PPFIA2: variants seen among roughly 807,000 people sequenced by gnomAD.
The protein encoded by PPFIA2 is liprin-alpha-2.
Under a neutral mutation model 175.5 loss-of-function variants are expected in PPFIA2, and 46 were observed. The ratio of observed to expected loss-of-function variants is 0.26; its 90% CI spans 0.21 to 0.34. PPFIA2 has a LOEUF of 0.34. Ranked by LOEUF, PPFIA2 falls within the 10% of genes least tolerant of loss-of-function variation. PPFIA2 has a pLI of 1.00. For missense variants in PPFIA2, 1,179 were observed against 1,506.1 expected (o/e 0.78, Z 3.60); for synonymous variants, 568 against 511.4 (o/e 1.11, Z -1.49).
chr12:81,389,700 G>A (rs542342385), intron 8 of PPFIA2, among the ~76,000 whole-genome samples: 1 of 151,984 alleles, frequency 6.6e-6, no homozygotes, highest in Non-Finnish European at 1.5e-5. Flanking sequence ...CCAAACCATT[G>A]TTAACTTGAC....
intron 11 of PPFIA2, among the ~76,000 whole-genome samples, chr12:81,372,590 G>A (rs1258009937): frequency 6.7e-6 from 1 of 149,312 alleles, no homozygotes. Context: ...GTACAAGGCT[G>A]TTGAAACCAC....
chr12:81,733,339 A>G (rs912866535), intron 3 of PPFIA2, among the ~76,000 whole-genome samples: 1 of 151,664 alleles, frequency 6.6e-6, no homozygotes, highest in Non-Finnish European at 1.5e-5. Context: ...TTTTAAAAGT[A>G]CAATGGATGT....
intron 22 of PPFIA2, among the ~76,000 whole-genome samples, chr12:81,319,184 G>A (rs1566114218): frequency 6.6e-6 from 1 of 151,582 alleles, no homozygotes; most frequent in Non-Finnish European, 1.5e-5. Flanking sequence ...TTGAACTGCT[G>A]GCTCAAAACA....
chr12:81,678,035 C>G (rs971000054), intron 3 of PPFIA2, among the ~76,000 whole-genome samples: 3 of 151,770 alleles, frequency 2.0e-5, no homozygotes, highest in South Asian at 2.1e-4. Context: ...GAAAAAAACA[C>G]AACTCTCTGC....
Position 81,368,753 on chromosome 12 carries a change from T to C in PPFIA2, c.1454A>G (p.Lys485Arg). 1.2e-6 allele frequency: 2 copies of C among 1,609,668 alleles called. No individual in the cohort carries two copies. Among genetic ancestry groups the C allele is most frequent in the Non-Finnish European group, 1.7e-6 (2 of 1,177,540 alleles). The change falls in exon 13 of 33, where the codon AAG becomes AGG. Residue 485 changes from lysine to arginine, a missense_variant. This residue lies in a region of PPFIA2 where 66 missense variants were observed against 129.4 expected (regional missense o/e 0.51). Coordinates refer to ENST00000549396, the MANE Select transcript of PPFIA2 (RefSeq NM_003625.5). ...TTCTTCTAGAGCAGCCATTCTTTCC[T>C]TTAAGTGTAGTTGTAGGCGTTCATT... ...ESNERLQLHL[K>R]ERMAALEEKN...
At position 81,535,096 on chromosome 12, in the gene PPFIA2, T is replaced by C. The variant is rs193258535; in HGVS notation, c.304-77230A>G. ...TTATAGCAAAGATCTTCTTGGATTA[T>C]AATGGTATATACATATATATGTCTC... On this transcript the variant is annotated intron_variant, in intron 4 of 32. Transcript: ENST00000549396. Among the ~76,000 whole-genome samples the C allele has an allele frequency of 7.9e-4, 120 of 151,880 alleles. No homozygotes were observed. In the Middle Eastern group the frequency reaches 0.01, roughly 13 times the overall value.
chr12:81,458,072 C>A (rs889040676), intron 4 of PPFIA2, among the ~76,000 whole-genome samples: 1 of 152,144 alleles, frequency 6.6e-6, no homozygotes, highest in Non-Finnish European at 1.5e-5. Flanking sequence ...TTACAGTACA[C>A]TGCTTAGATG....
At chr12:81,548,744 T>C (rs986649539) in intron 4 of PPFIA2, among the ~76,000 whole-genome samples, 20 of 152,242 alleles carry the variant, frequency 1.3e-4, no homozygotes, top group African/African-American at 4.8e-4. Context: ...CCTTCAGAAT[T>C]TGACATATTT....
intron 7 of PPFIA2, among the ~76,000 whole-genome samples, chr12:81,410,643 T>C (rs975132415): frequency 6.6e-6 from 1 of 152,034 alleles, no homozygotes; most frequent in Non-Finnish European, 1.5e-5. Context: ...GATAATAACA[T>C]CTTATATTTT....
At chr12:81,474,987 G>T (rs2057296870) in intron 4 of PPFIA2, among the ~76,000 whole-genome samples, 1 of 152,054 alleles carries the variant, frequency 6.6e-6, no homozygotes, top group South Asian at 2.1e-4. Flanking sequence ...AAATAAAATG[G>T]TATTTTAAGA....
At chr12:81,709,330 C>A (rs2077591960) in intron 3 of PPFIA2, among the ~76,000 whole-genome samples, 1 of 152,044 alleles carries the variant, frequency 6.6e-6, no homozygotes, top group African/African-American at 2.4e-5. Flanking sequence ...GGAATTATTC[C>A]TTTCTTTTTG....
intron 7 of PPFIA2, among the ~76,000 whole-genome samples, chr12:81,410,690 G>A (rs2043778418): frequency 6.6e-6 from 1 of 151,878 alleles, no homozygotes; most frequent in Non-Finnish European, 1.5e-5. Flanking sequence ...TAATCCCACA[G>A]AGACTGTCAA....
intron 4 of PPFIA2, among the ~76,000 whole-genome samples, chr12:81,512,965 C>T (rs1434974438): frequency 1.3e-5 from 2 of 151,954 alleles, no homozygotes; most frequent in East Asian, 3.9e-4. Context: ...AAACAGACAA[C>T]CCACTGGGTA....
At chr12:81,504,667 T>C (rs1369292629) in intron 4 of PPFIA2, among the ~76,000 whole-genome samples, 1 of 152,132 alleles carries the variant, frequency 6.6e-6, no homozygotes, top group Non-Finnish European at 1.5e-5. Flanking sequence ...GAATTATAAA[T>C]CATTCTACTA....
At chr12:81,682,748 C>T (rs1396800545) in intron 3 of PPFIA2, among the ~76,000 whole-genome samples, 1 of 151,998 alleles carries the variant, frequency 6.6e-6, no homozygotes, top group Non-Finnish European at 1.5e-5. Context: ...CCCTCTCCCA[C>T]TACTTTCTGT....
chr12:81,498,813 C>T (rs771419520), intron 4 of PPFIA2, among the ~76,000 whole-genome samples: 52 of 152,040 alleles, frequency 3.4e-4, no homozygotes, highest in Non-Finnish European at 6.2e-4. Context: ...TTTGTAGAGA[C>T]GGGGTTTCAC....
At chr12:81,290,328 T>C (rs917209335) in intron 24 of PPFIA2, among the ~76,000 whole-genome samples, 38 of 151,902 alleles carry the variant, frequency 2.5e-4, no homozygotes, top group African/African-American at 8.9e-4. Context: ...TATGACTTTA[T>C]GTAGTGGATT....
chr12:81,730,927 G>A (rs2153639647), intron 3 of PPFIA2, among the ~76,000 whole-genome samples: 1 of 151,572 alleles, frequency 6.6e-6, no homozygotes, highest in Middle Eastern at 3.4e-3. Flanking sequence ...AAATTTCTGA[G>A]TTAGGTGCAT....
Position 81,259,663 on chromosome 12 carries a change from A to G in PPFIA2, c.*34-3T>C, listed in dbSNP as rs1489886591. On this transcript the variant is annotated splice_polypyrimidine_tract_variant and splice_region_variant and intron_variant, in intron 32 of 32. Transcript: ENST00000549396. The stretch of plus-strand genomic sequence containing the variant: ...AGAGTAGACTGAAAAGACGCCATCT[A>G]AAATATACAATGGATAGCATTAGTT... 1 of 1,533,918 alleles carries G rather than the reference A, an allele frequency of 6.5e-7. No homozygotes were observed. Among genetic ancestry groups the G allele is most frequent in the Non-Finnish European group, 8.7e-7 (1 of 1,145,246 alleles).
Sources: allele counts gnomAD v4.1 joint callset (sites outside exome capture counted in the v4.1 genomes callset), GRCh38; gene constraint gnomAD v4.1.1; regional missense constraint gnomAD v4.1.1; transcripts MANE v1.5; gene names NCBI Gene and HGNC (gene_info 2026-07-23, HGNC 2026-07-21).